SLC39A8: variants seen among roughly 807,000 people sequenced by gnomAD.
The protein encoded by SLC39A8 is solute carrier family 39 member 8.
In SLC39A8, 15 loss-of-function variants were observed where a neutral mutation model predicts 40.4. That is an observed-to-expected ratio of 0.37 (90% confidence interval 0.25 to 0.57). SLC39A8 has a LOEUF of 0.57. SLC39A8 is among the 20% of genes least tolerant of loss of function. SLC39A8 has a pLI of 0.75. For missense variants in SLC39A8, 472 were observed against 558.8 expected (o/e 0.84, Z 1.57); for synonymous variants, 223 against 221.6 (o/e 1.01, Z -0.06).
chr4:102,327,830 G>C (rs1425738869), intron 2 of SLC39A8, among the ~76,000 whole-genome samples: 2 of 152,186 alleles, frequency 1.3e-5, no homozygotes, highest in African/African-American at 4.8e-5. Flanking sequence ...ATAATTCTGA[G>C]AAATATAAAT....
intron 8 of SLC39A8, among the ~76,000 whole-genome samples, chr4:102,266,608 A>T (rs985216168): frequency 1.3e-5 from 2 of 149,752 alleles, no homozygotes; most frequent in African/African-American, 2.4e-5. Flanking sequence ...ACACACACAC[A>T]TGCACACTCT....
intron 3 of SLC39A8, 123 bp from the exon 4 acceptor site, chr4:102,307,728 C>T (rs545660048): frequency 3.1e-4 from 280 of 892,638 alleles, no homozygotes; most frequent in Admixed American, 1.1e-3. Context: ...TTTAAAAGAA[C>T]AAAATCTACT....
At chr4:102,315,638 A>G (rs763462958) in intron 3 of SLC39A8, 30 bp downstream of exon 3, 2 of 1,569,420 alleles carry the variant, frequency 1.3e-6, no homozygotes, top group Non-Finnish European at 8.6e-7. Flanking sequence ...AGACTTTTCA[A>G]ATAAAAGAGA....
intron 6 of SLC39A8, among the ~76,000 whole-genome samples, chr4:102,286,026 A>G (rs954965214): frequency 6.6e-6 from 1 of 152,210 alleles, no homozygotes; most frequent in African/African-American, 2.4e-5. Flanking sequence ...TTTTTAAATA[A>G]GCAAATAGCA....
intron 6 of SLC39A8, among the ~76,000 whole-genome samples, chr4:102,279,321 C>G (rs1732772759): frequency 6.6e-6 from 1 of 152,060 alleles, no homozygotes; most frequent in African/African-American, 2.4e-5. Flanking sequence ...CCTGAACCAA[C>G]AGAGATGAGA....
chr4:102,328,764 G>A (rs934789195), intron 2 of SLC39A8, among the ~76,000 whole-genome samples: 27 of 152,140 alleles, frequency 1.8e-4, no homozygotes, highest in African/African-American at 6.5e-4. Flanking sequence ...GGTGGCTCAC[G>A]CCTGTAATCC....
intron 5 of SLC39A8, 103 bp downstream of exon 5, chr4:102,304,886 G>T: frequency 2.0e-6 from 2 of 1,006,276 alleles, no homozygotes; most frequent in Non-Finnish European, 2.9e-6. Context: ...CTAATAACTG[G>T]ACCATTCTCA....
chr4:102,327,945 G>T (rs1735288991), intron 2 of SLC39A8, among the ~76,000 whole-genome samples: 1 of 152,064 alleles, frequency 6.6e-6, no homozygotes, highest in South Asian at 2.1e-4. Context: ...GTTTAATGTG[G>T]CCCTGATGCT....
chr4:102,325,382 C>T (rs1735151732), intron 2 of SLC39A8, among the ~76,000 whole-genome samples: 1 of 151,970 alleles, frequency 6.6e-6, no homozygotes, highest in African/African-American at 2.4e-5. Context: ...CACACATGCA[C>T]TCTCACATAC....
intron 6 of SLC39A8, among the ~76,000 whole-genome samples, chr4:102,278,564 T>C (rs1044275286): frequency 6.6e-6 from 1 of 150,868 alleles, no homozygotes; most frequent in Non-Finnish European, 1.5e-5. Context: ...GTTCAACCAT[T>C]GTGGAAGACA....
In SLC39A8 at chr4:102,325,110, C is replaced by T. The variant is rs367976141; in HGVS notation, c.220-9280G>A. Reference sequence around the variant, plus strand: ...ATATATATATGTATACATATATACACACGCTGAATCTCTCTCTCCACCTTC... The same window carrying T: ...ATATATATATGTATACATATATACATACGCTGAATCTCTCTCTCCACCTTC... On this transcript the variant is annotated intron_variant, in intron 2 of 8. Coordinates refer to ENST00000356736, the MANE Select transcript of SLC39A8 (RefSeq NM_001135146.2). 3.3e-5 allele frequency among the ~76,000 whole-genome samples: 5 copies of T among 152,136 alleles called. No individual in the cohort carries two copies. The East Asian group carries it at 7.7e-4, about 23-fold the overall frequency.
At position 102,307,935 on chromosome 4, in the gene SLC39A8, G is replaced by C. The variant is rs191717502; in HGVS notation, c.383-330C>G. Among the ~76,000 whole-genome samples the C allele has an allele frequency of 5.4e-4, 80 of 148,958 alleles. 2 individuals are homozygous for C. Among genetic ancestry groups the C allele is most frequent in the Non-Finnish European group, 5.9e-5 (4 of 67,242 alleles). ...AGATCCACAGGCTCCAAGCCACCTA[G>C]TTTCATCTATGGCTCAAGGAATAGA... is the stretch of plus-strand genomic sequence containing the variant. On this transcript the variant is annotated intron_variant, in intron 3 of 8. Coordinates refer to ENST00000356736, the MANE Select transcript of SLC39A8 (RefSeq NM_001135146.2).
At chr4:102,256,625 A>G (rs370977308) in intron 11 of SLC39A8, among the ~76,000 whole-genome samples, 28 of 152,322 alleles carry the variant, frequency 1.8e-4, no homozygotes, top group African/African-American at 6.7e-4. Context: ...GTTTAATGAT[A>G]ATGGCTTATC....
At chr4:102,275,281 A>AAATAAC (rs1732564849) in intron 6 of SLC39A8, among the ~76,000 whole-genome samples, 1 of 149,710 alleles carries the variant, frequency 6.7e-6, no homozygotes, top group African/African-American at 2.5e-5. Context: ...TGGAAAGCAA[A>AAATAAC]AAAAACAAAA....
intron 2 of SLC39A8, among the ~76,000 whole-genome samples, chr4:102,330,257 A>G (rs1735392837): frequency 6.6e-6 from 1 of 152,210 alleles, no homozygotes; most frequent in South Asian, 2.1e-4. Context: ...AAAGATTAAC[A>G]AAATAGATAG....
At chr4:102,337,691 G>A (rs17212693) in intron 2 of SLC39A8, among the ~76,000 whole-genome samples, 10,611 of 152,232 alleles carry the variant, frequency 0.07, 606 homozygotes, top group Non-Finnish European at 0.098. Flanking sequence ...CATAAGGGAA[G>A]ATTTCCATTC....
At chr4:102,259,486 T>G, downstream of SLC39A8, 1 of 1,548,512 alleles carries the variant, frequency 6.5e-7, no homozygotes. Flanking sequence ...AAGTTGAGAT[T>G]TGATGTCATC....
chr4:102,344,434 G>A lies in SLC39A8; in HGVS notation c.219+10C>T. 6.6e-7 allele frequency: 1 copy of A among 1,509,890 alleles called. No individual in the cohort carries two copies. The highest frequency in any genetic ancestry group is 8.9e-7 in the Non-Finnish European group (1 of 1,128,104). 93.5% of individuals were successfully genotyped at this position (1,509,890 alleles called of 1,614,324 possible). ...CAGTACGGAGGGCTGCCCGGACCTGGCGGCCTTACCTGGTTGAAGTGCAGC... is the reference window on the plus strand; with the variant it reads ...CAGTACGGAGGGCTGCCCGGACCTGACGGCCTTACCTGGTTGAAGTGCAGC... On this transcript the variant is annotated intron_variant, in intron 2 of 8. Coordinates refer to ENST00000356736, the MANE Select transcript of SLC39A8 (RefSeq NM_001135146.2).
At chr4:102,288,982 G>A (rs988203620) in intron 6 of SLC39A8, among the ~76,000 whole-genome samples, 25 of 152,100 alleles carry the variant, frequency 1.6e-4, no homozygotes, top group Non-Finnish European at 3.4e-4. Context: ...TTTCAATGTT[G>A]GTAAAACAGC....
Sources: allele counts gnomAD v4.1 joint callset (sites outside exome capture counted in the v4.1 genomes callset), GRCh38; gene constraint gnomAD v4.1.1; transcripts MANE v1.5; gene names NCBI Gene and HGNC (gene_info 2026-07-23, HGNC 2026-07-21).